The following ST6GALNAC3 variants were observed in gnomAD, a reference collection of about 807,000 sequenced individuals.
ST6GALNAC3 encodes the protein ST6 N-acetylgalactosaminide alpha-2,6-sialyltransferase 3.
Under a neutral mutation model 32.7 loss-of-function variants are expected in ST6GALNAC3, and 25 were observed. The ratio of observed to expected loss-of-function variants is 0.76; its 90% CI spans 0.56 to 1.07. ST6GALNAC3 has a LOEUF of 1.07. Among genes scored for constraint, ST6GALNAC3 ranks in the 50% least tolerant of loss-of-function variants. The probability of loss-of-function intolerance (pLI) is 0.00; values close to 1 mark genes in which losing one functional copy is unlikely to be tolerated. For synonymous variants in ST6GALNAC3, 129 were observed against 133.1 expected, an observed-to-expected ratio of 0.97 and a Z score of 0.21; for missense variants, 355 against 382.4, an observed-to-expected ratio of 0.93 and a Z score of 0.60.
chr1:76,078,520 A>G (rs1646846889), intron 1 of ST6GALNAC3, among the ~76,000 whole-genome samples: 1 of 152,184 alleles, frequency 6.6e-6, no homozygotes, highest in Non-Finnish European at 1.5e-5. Context: ...ACTTTTAATT[A>G]TGGCTCCACT....
At chr1:76,454,469 G>T (rs931968389) in intron 3 of ST6GALNAC3, among the ~76,000 whole-genome samples, 8 of 152,110 alleles carry the variant, frequency 5.3e-5, no homozygotes, top group African/African-American at 1.9e-4. Context: ...TTCTTATAGT[G>T]CTAGCTTGGT....
intron 1 of ST6GALNAC3, among the ~76,000 whole-genome samples, chr1:76,228,682 G>C (rs1386319288): frequency 6.6e-6 from 1 of 152,092 alleles, no homozygotes; most frequent in Non-Finnish European, 1.5e-5. Flanking sequence ...AACTCACTTG[G>C]TTTACTTTCA....
chr1:76,627,623 T>C, intron 4 of ST6GALNAC3, 64 bp downstream of exon 4: 1 of 1,124,802 alleles, frequency 8.9e-7, no homozygotes, highest in Non-Finnish European at 1.4e-6. Flanking sequence ...AATATCACAA[T>C]TCATTTTAAT....
chr1:76,212,518 G>C (rs1006590634), intron 1 of ST6GALNAC3, among the ~76,000 whole-genome samples: 4 of 152,106 alleles, frequency 2.6e-5, no homozygotes, highest in Non-Finnish European at 5.9e-5. Flanking sequence ...ATTCTCAGTT[G>C]TTGGATCCTG....
intron 1 of ST6GALNAC3, among the ~76,000 whole-genome samples, chr1:76,276,563 G>A (rs1013647935): frequency 2.0e-5 from 3 of 152,068 alleles, no homozygotes; most frequent in Non-Finnish European, 4.4e-5. Flanking sequence ...ACTTATCTAT[G>A]TGTTGTTGAT....
chr1:76,346,622 G>A (rs927948562), intron 2 of ST6GALNAC3, among the ~76,000 whole-genome samples: 1 of 152,194 alleles, frequency 6.6e-6, no homozygotes, highest in African/African-American at 2.4e-5. Flanking sequence ...AGGCAGTGGG[G>A]TATGGTGTGT....
chr1:76,602,353 G>A (rs767604292), intron 3 of ST6GALNAC3, among the ~76,000 whole-genome samples: 1 of 152,022 alleles, frequency 6.6e-6, no homozygotes, highest in Non-Finnish European at 1.5e-5. Flanking sequence ...GCGTGTGCCT[G>A]TGCATGTAGA....
chr1:76,154,297 C>A (rs1651247644), intron 1 of ST6GALNAC3, among the ~76,000 whole-genome samples: 1 of 152,072 alleles, frequency 6.6e-6, no homozygotes, highest in Admixed American at 6.5e-5. Context: ...GCCCTTTCTC[C>A]CCCACGAGAG....
chr1:76,590,806 G>T (rs1458605686), intron 3 of ST6GALNAC3, among the ~76,000 whole-genome samples: 1 of 152,056 alleles, frequency 6.6e-6, no homozygotes, highest in Non-Finnish European at 1.5e-5. Context: ...TTACTTAATT[G>T]TACTTGTGTC....
rs114604866 is a variant in ST6GALNAC3 at position 76,518,282 on chromosome 1, T to A, written c.623+105865T>A. On this transcript the variant is annotated intron_variant, in intron 3 of 4. Coordinates refer to ENST00000328299, the MANE Select transcript of ST6GALNAC3 (RefSeq NM_152996.4). The stretch of plus-strand genomic sequence containing the variant: ...GTCTTGATTTATTAGTGAATCTTCA[T>A]GTTCGACCATTCTATGTCATTTTCA... Among the ~76,000 whole-genome samples, 604 of 152,214 alleles carry A rather than the reference T, an allele frequency of 4.0e-3. 6 individuals carry two copies. The highest frequency in any genetic ancestry group is 0.014 in the African/African-American group (586 of 41,562).
intron 1 of ST6GALNAC3, among the ~76,000 whole-genome samples, chr1:76,312,435 A>C (rs1646784123): frequency 6.6e-6 from 1 of 152,316 alleles, no homozygotes; most frequent in Middle Eastern, 3.4e-3. Context: ...GGATATAATT[A>C]AACTAAAGAG....
At chr1:76,150,709 C>T (rs184304958) in intron 1 of ST6GALNAC3, among the ~76,000 whole-genome samples, 11 of 152,228 alleles carry the variant, frequency 7.2e-5, no homozygotes, top group Non-Finnish European at 1.6e-4. Flanking sequence ...GCGTACACTC[C>T]CTGCTTCGTT....
intron 2 of ST6GALNAC3, 158 bp from the exon 3 acceptor site, chr1:76,411,850 A>G: frequency 1.5e-6 from 1 of 688,766 alleles, no homozygotes; most frequent in Non-Finnish European, 2.3e-6. Flanking sequence ...TTAACTTGAT[A>G]ATCTGTGGCA....
chr1:76,422,831 A>G (rs1477133154), intron 3 of ST6GALNAC3, among the ~76,000 whole-genome samples: 2 of 151,986 alleles, frequency 1.3e-5, no homozygotes, highest in Non-Finnish European at 2.9e-5. Flanking sequence ...ATCTAGCACT[A>G]TTTTTGTTAT....
intron 1 of ST6GALNAC3, among the ~76,000 whole-genome samples, chr1:76,103,381 A>G (rs984891291): frequency 6.6e-6 from 1 of 151,212 alleles, no homozygotes; most frequent in Non-Finnish European, 1.5e-5. Context: ...CTTATCCTGT[A>G]TTTTCCATCC....
intron 1 of ST6GALNAC3, among the ~76,000 whole-genome samples, chr1:76,200,564 G>C (rs897347326): frequency 1.3e-5 from 2 of 152,104 alleles, no homozygotes; most frequent in African/African-American, 4.8e-5. Context: ...ATTAGATGGT[G>C]GCTACCATGC....
chr1:76,575,951 A>T (rs1338027284), intron 3 of ST6GALNAC3, among the ~76,000 whole-genome samples: 1 of 152,070 alleles, frequency 6.6e-6, no homozygotes, highest in East Asian at 1.9e-4. Context: ...TTCTGAGAAG[A>T]TACCAAATAA....
Position 76,509,695 on chromosome 1 carries a change from G to T in ST6GALNAC3, c.623+97278G>T, listed in dbSNP as rs546243908. 6.6e-6 allele frequency among the ~76,000 whole-genome samples: 1 copy of T among 152,242 alleles called. No individual in the cohort carries two copies. Among genetic ancestry groups the T allele is most frequent in the East Asian group, 1.9e-4 (1 of 5,174 alleles). ...CTGCATTCCTTCTGGAAGATCCAAG[G>T]GAGAATCTATTTCTTTTTCCAGCAA... On this transcript the variant is annotated intron_variant, in intron 3 of 4. Transcript: ENST00000328299. This position sits in a 1 kb window ranked among gnomAD's most constrained non-coding sequence, Gnocchi z 5.5.
chr1:76,237,885 C>G (rs1656747521), intron 1 of ST6GALNAC3, among the ~76,000 whole-genome samples: 2 of 152,240 alleles, frequency 1.3e-5, no homozygotes, highest in Non-Finnish European at 2.9e-5. Context: ...AAACTCTCCA[C>G]CTCACTTGCC....
Sources: gnomAD v4.1 joint callset for allele counts (sites outside exome capture counted in the v4.1 genomes callset) on GRCh38, gnomAD v4.1.1 for gene constraint, Gnocchi (gnomAD v3.1) non-coding constraint, MANE v1.5 for transcripts, NCBI Gene and HGNC (gene_info 2026-07-23, HGNC 2026-07-21) for gene names.